The following LINGO2 variants were observed in gnomAD, a reference collection of about 807,000 sequenced individuals.
The protein encoded by LINGO2 is leucine-rich repeat and immunoglobulin-like domain-containing nogo receptor-interacting protein 2.
A neutral mutation model predicts 30.6 loss-of-function variants in LINGO2; 14 were observed. That is an observed-to-expected ratio of 0.46 (90% CI 0.30 to 0.72). The LOEUF (loss-of-function observed/expected upper bound fraction) is 0.72, where lower values mean the gene tolerates loss of function less well. Among genes scored for constraint, LINGO2 ranks in the 30% least tolerant of loss-of-function variants. The pLI is 0.07. For missense variants in LINGO2, 729 were observed against 751.7 expected, an observed-to-expected ratio of 0.97 and a Z score of 0.35; for synonymous variants, 317 against 288.5, an observed-to-expected ratio of 1.10 and a Z score of -1.00.
At chr9:28,042,201 A>T (rs1824226290) in intron 4 of LINGO2, among the ~76,000 whole-genome samples, 1 of 152,186 alleles carries the variant, frequency 6.6e-6, no homozygotes, top group African/African-American at 2.4e-5. Flanking sequence ...ATTTGCTTTC[A>T]ATTTAAAACT....
intron 5 of LINGO2, among the ~76,000 whole-genome samples, chr9:27,962,709 A>T (rs187554640): frequency 6.6e-6 from 1 of 152,266 alleles, no homozygotes. Context: ...TGCTGGCTCC[A>T]CTTAGCTTTC....
intron 2 of LINGO2, among the ~76,000 whole-genome samples, chr9:28,448,622 G>A (rs184276935): frequency 2.6e-5 from 4 of 152,118 alleles, no homozygotes; most frequent in Admixed American, 2.0e-4. Flanking sequence ...CAATAGAAGT[G>A]AGAAAATGGA....
At chr9:28,777,589 A>G in the LINGO2 span, among the ~76,000 whole-genome samples, 1 of 152,206 alleles carries the variant, frequency 6.6e-6, no homozygotes, top group African/African-American at 2.4e-5. Flanking sequence ...TGATTTCACT[A>G]TTTTAATACG....
rs190546892 is a variant in LINGO2, at chr9:27,984,313, T to C, written c.-36+28042A>G. On this transcript the variant is annotated intron_variant, in intron 5 of 5. Coordinates refer to ENST00000379992, the Ensembl canonical transcript of LINGO2. The stretch of plus-strand genomic sequence containing the variant: ...AGCAGTGGAAGACTGCATGTGGACC[T>C]TCCCAATGCATCTCATATGTGAGAC... Among the ~76,000 whole-genome samples the C allele has an allele frequency of 2.8e-3, 429 of 151,970 alleles. 1 individual carries two copies. The highest frequency in any genetic ancestry group is 9.8e-3 in the African/African-American group (407 of 41,502).
At chr9:28,069,789 A>G (rs1460508953) in intron 4 of LINGO2, among the ~76,000 whole-genome samples, 1 of 152,256 alleles carries the variant, frequency 6.6e-6, no homozygotes, top group South Asian at 2.1e-4. Context: ...AGGTCTCCCC[A>G]CTTCTATAGT....
At chr9:28,327,459 T>C (rs997630794) in intron 3 of LINGO2, among the ~76,000 whole-genome samples, 1 of 152,184 alleles carries the variant, frequency 6.6e-6, no homozygotes, top group African/African-American at 2.4e-5. Flanking sequence ...ATTTTGTGAG[T>C]TGAGGTGGAA....
intron 4 of LINGO2, among the ~76,000 whole-genome samples, chr9:28,107,751 G>A (rs1826639553): frequency 6.6e-6 from 1 of 152,076 alleles, no homozygotes. Context: ...TCAGTTGGAT[G>A]TTTGCTCAAC....
At chr9:29,188,649 GCCGGGCAGAAGCGCCC>G in the LINGO2 span, among the ~76,000 whole-genome samples, 4,051 of 151,790 alleles carry the variant, frequency 0.027, 200 homozygotes, top group Admixed American at 0.051. Context: ...AGTAGGGGCG[GCCGGGCAGAAGCGCCC>G]CTCACCTCCC....
chr9:29,188,493 C>A, the LINGO2 span, among the ~76,000 whole-genome samples: 2 of 152,248 alleles, frequency 1.3e-5, no homozygotes, highest in Non-Finnish European at 2.9e-5. Flanking sequence ...TTCCACGAAA[C>A]CGCCCCGATT....
intron 4 of LINGO2, among the ~76,000 whole-genome samples, chr9:28,237,703 A>G (rs934638525): frequency 6.6e-5 from 10 of 152,020 alleles, no homozygotes; most frequent in African/African-American, 1.7e-4. Context: ...AAATACAGAA[A>G]AATTAGCCGG....
chr9:28,827,093 TA>T, the LINGO2 span, among the ~76,000 whole-genome samples: 5 of 152,104 alleles, frequency 3.3e-5, no homozygotes, highest in African/African-American at 1.2e-4. Flanking sequence ...AACAACTCAT[TA>T]AAACAGTAAG....
chr9:28,923,651 T>G, the LINGO2 span, among the ~76,000 whole-genome samples: 1 of 152,032 alleles, frequency 6.6e-6, no homozygotes, highest in African/African-American at 2.4e-5. Context: ...GATAATTGAA[T>G]GTAGACGACA....
intron 2 of LINGO2, among the ~76,000 whole-genome samples, chr9:28,392,839 C>G (rs1821893096): frequency 6.6e-6 from 1 of 152,180 alleles, no homozygotes; most frequent in South Asian, 2.1e-4. Context: ...GTTTTAGAAG[C>G]TCTAGGCCAG....
intron 2 of LINGO2, among the ~76,000 whole-genome samples, chr9:28,464,560 GA>G (rs1825221940): frequency 1.3e-5 from 2 of 152,138 alleles, no homozygotes; most frequent in Admixed American, 6.5e-5. Context: ...GTTTGTGGAA[GA>G]AATGTATTAA....
exon 6 of LINGO2, chr9:27,949,861 G>A: frequency 6.2e-7 from 1 of 1,614,080 alleles, no homozygotes; most frequent in Non-Finnish European, 8.5e-7. Context: ...TATACCAGGT[G>A]TTTAAAGGCA....
intron 1 of LINGO2, among the ~76,000 whole-genome samples, chr9:28,549,645 A>T (rs1036891128): frequency 8.6e-5 from 13 of 151,018 alleles, no homozygotes; most frequent in African/African-American, 3.1e-4. Flanking sequence ...ATATTTTAGT[A>T]TTTTTTTTTA....
chr9:29,150,348 G>A, the LINGO2 span, among the ~76,000 whole-genome samples: 1 of 152,124 alleles, frequency 6.6e-6, no homozygotes, highest in Non-Finnish European at 1.5e-5. Context: ...CAAGAACTCT[G>A]GCAATTTAAA....
At chr9:29,003,849 T>C in the LINGO2 span, among the ~76,000 whole-genome samples, 8 of 152,030 alleles carry the variant, frequency 5.3e-5, no homozygotes, top group African/African-American at 1.9e-4. Context: ...AGGGAGAGAA[T>C]CTGTATCACT....
At chr9:28,096,637 A>T (rs1014895398) in intron 4 of LINGO2, among the ~76,000 whole-genome samples, 2 of 151,978 alleles carry the variant, frequency 1.3e-5, no homozygotes, top group Admixed American at 1.3e-4. Flanking sequence ...CTACCTACCT[A>T]CTCAGTGCTG....
Sources: allele counts gnomAD v4.1 joint callset (sites outside exome capture counted in the v4.1 genomes callset), GRCh38; gene constraint gnomAD v4.1.1; transcripts MANE v1.5; gene names NCBI Gene and HGNC (gene_info 2026-07-23, HGNC 2026-07-21).